Variants in HDGFL2 observed in about 807,000 individuals in gnomAD.
HDGFL2 encodes the protein hepatoma-derived growth factor-related protein 2.
Under a neutral mutation model 77.1 loss-of-function variants are expected in HDGFL2, and 36 were observed. The observed-to-expected ratio is 0.47, with a 90% CI of 0.36 to 0.62. The LOEUF (loss-of-function observed/expected upper bound fraction) is 0.62, where lower values mean the gene tolerates loss of function less well. Among genes scored for constraint, HDGFL2 ranks in the 20% least tolerant of loss-of-function variants. The pLI, the probability that HDGFL2 is intolerant of heterozygous loss-of-function variation, is 0.00. For missense variants in HDGFL2, 976 were observed against 973.4 expected (o/e 1.00, Z -0.04); for synonymous variants, 463 against 413.1 (o/e 1.12, Z -1.46).
intron 6 of HDGFL2, among the ~76,000 whole-genome samples, chr19:4,492,953 CG>C (rs1975569861): frequency 1.6e-5 from 1 of 62,796 alleles, no homozygotes; most frequent in Non-Finnish European, 3.0e-5. Context: ...GTGTGTGGTG[CG>C]TGTGAGTTGT....
intron 4 of HDGFL2, among the ~76,000 whole-genome samples, chr19:4,490,098 TTTA>T (rs1288822058): frequency 5.9e-5 from 9 of 152,302 alleles, no homozygotes; most frequent in Admixed American, 1.3e-4. Context: ...CATTTATTTA[TTTA>T]TTTTGAGACG....
Position 4,499,555 on chromosome 19 carries a change from AGTCGCGG to A in HDGFL2, c.1644_1650del (p.Arg549SerfsTer11), listed in dbSNP as rs779019689. On this transcript the variant is annotated frameshift_variant, in exon 14 of 16. Transcript: ENST00000616600. LOFTEE classifies it high-confidence loss of function. ...GCAGCAGAAGTCTATACCCGGCTCA[AGTCGCGG>A]GTCCTCGGCCCAAAGATCGAGGCGG... The A allele has an allele frequency of 6.2e-7, 1 of 1,613,882 alleles. No homozygotes were observed. Among genetic ancestry groups the A allele is most frequent in the Non-Finnish European group, 8.5e-7 (1 of 1,179,962 alleles).
intron 11 of HDGFL2, 26 bp from the exon 12 acceptor site, chr19:4,498,280 A>G (rs769716584): frequency 4.4e-6 from 7 of 1,603,424 alleles, no homozygotes; most frequent in Non-Finnish European, 6.0e-6. Flanking sequence ...GCCTGGGCCC[A>G]CACGGTGCTC....
intron 3 of HDGFL2, among the ~76,000 whole-genome samples, chr19:4,486,862 G>A (rs934915541): frequency 4.6e-5 from 7 of 152,158 alleles, no homozygotes; most frequent in African/African-American, 1.7e-4. Context: ...TCTCTGGAAC[G>A]CCGCTAGCTC....
At chr19:4,496,460 C>T in intron 10 of HDGFL2, 55 bp downstream of exon 10, 2 of 1,330,502 alleles carry the variant, frequency 1.5e-6, no homozygotes, top group Non-Finnish European at 2.1e-6. Context: ...CGCATCACCC[C>T]ACAACCCTCA....
At chr19:4,489,872 A>G (rs1349358650) in intron 4 of HDGFL2, among the ~76,000 whole-genome samples, 1 of 152,060 alleles carries the variant, frequency 6.6e-6, no homozygotes, top group Non-Finnish European at 1.5e-5. Context: ...CGTCACCCCA[A>G]AAAGAAACCT....
In HDGFL2 at chr19:4,484,666, A is replaced by ATTTTTTTTTTTTTTTT. The variant is rs71168907; in HGVS notation, c.289-4002_289-3987dup. Among the ~76,000 whole-genome samples the ATTTTTTTTTTTTTTTT allele has an allele frequency of 4.5e-4, 33 of 74,116 alleles. 2 individuals are homozygous for ATTTTTTTTTTTTTTTT. Among genetic ancestry groups the ATTTTTTTTTTTTTTTT allele is most frequent in the African/African-American group, 1.8e-3 (32 of 17,492 alleles). The allele number at this position is 74,116 out of a possible 152,430, so 48.6% of individuals were successfully genotyped here. ...AGGCACCCGCCATCACGCCTGGCTAATTTTTTTTTTTTTTTTTTTTTTTGA... is the reference window on the plus strand; with the variant it reads ...AGGCACCCGCCATCACGCCTGGCTAATTTTTTTTTTTTTTTTTTTTTTTTTTTTTTTTTTTTTTTGA... On this transcript the variant is annotated intron_variant, in intron 3 of 15. Transcript: ENST00000616600.
chr19:4,488,908 A>G (rs1251550014), intron 4 of HDGFL2, 32 bp downstream of exon 4: 1 of 1,517,002 alleles, frequency 6.6e-7, no homozygotes, highest in East Asian at 2.5e-5. Flanking sequence ...CTGGCCCTTC[A>G]TCCCCTTGCC....
Position 4,472,379 on chromosome 19 carries a change from T to G in HDGFL2, c.29T>G (p.Leu10Trp), listed in dbSNP as rs767969596. Residue 10 changes from leucine to tryptophan, a missense_variant, in exon 1 of 16, where the codon TTG becomes TGG. Around this residue, in one of 5 missense-constraint regions of HDGFL2, gnomAD observed 31 missense variants for 24.3 expected, o/e 1.27. Coordinates refer to ENST00000616600, the MANE Select transcript of HDGFL2 (RefSeq NM_001001520.3). MPHAFKPGD[L>W]VFAKMKGYPH... is the part of the protein sequence containing the mutation. Reference sequence around the variant, plus strand: ...CCACACGCCTTCAAGCCCGGGGACTTGGTGTTCGCTAAGATGAAGGGCTAC... The same window carrying G: ...CCACACGCCTTCAAGCCCGGGGACTGGGTGTTCGCTAAGATGAAGGGCTAC... The G allele has an allele frequency of 6.9e-7, 1 of 1,450,034 alleles. No homozygotes were observed. Among genetic ancestry groups the G allele is most frequent in the Non-Finnish European group, 9.2e-7 (1 of 1,091,590 alleles). The allele number at this position is 1,450,034 out of a possible 1,614,324, so 89.8% of individuals were successfully genotyped here.
At chr19:4,490,807 C>CTT (rs34565005) in intron 4 of HDGFL2, among the ~76,000 whole-genome samples, 7 of 144,966 alleles carry the variant, frequency 4.8e-5, no homozygotes, top group African/African-American at 1.8e-4. Context: ...TTTTTTTTCT[C>CTT]TTTTTTTTTT....
chr19:4,495,116 A>G (rs1057362314), intron 9 of HDGFL2, among the ~76,000 whole-genome samples: 6 of 151,706 alleles, frequency 4.0e-5, no homozygotes, highest in African/African-American at 1.5e-4. Flanking sequence ...GGCTGGGCGC[A>G]GTGGCTCACG....
rs571070962 is a variant in HDGFL2 at position 4,498,285 on chromosome 19, G to A, written c.1403-21G>A. ...CTGTGGCCCTGCCTGGGCCCACACG[G>A]TGCTCTCTCTCCTGGCCCAGAGCCC... On this transcript the variant is annotated intron_variant, in intron 11 of 15. Coordinates refer to ENST00000616600, the MANE Select transcript of HDGFL2 (RefSeq NM_001001520.3). 98 of 1,608,018 alleles carry A rather than the reference G, an allele frequency of 6.1e-5. 2 individuals are homozygous for A. The Middle Eastern group carries it at 7.0e-4, about 11-fold the overall frequency.
chr19:4,491,159 C>T (rs889262784), intron 4 of HDGFL2, among the ~76,000 whole-genome samples: 17 of 151,604 alleles, frequency 1.1e-4, no homozygotes, highest in African/African-American at 2.9e-4. Flanking sequence ...AGCACATTCA[C>T]GTGGTTGTGC....
Position 4,487,692 on chromosome 19 carries a change from C to T in HDGFL2, c.289-984C>T, listed in dbSNP as rs114727040. Reference sequence around the variant, plus strand: ...GCTCCCAGGGGCAAGGGAGATGCCACGGTCACTTCTGTGTTCTTGATGCCC... The same window carrying T: ...GCTCCCAGGGGCAAGGGAGATGCCATGGTCACTTCTGTGTTCTTGATGCCC... On this transcript the variant is annotated intron_variant, in intron 3 of 15. Coordinates refer to ENST00000616600, the MANE Select transcript of HDGFL2 (RefSeq NM_001001520.3). Among the ~76,000 whole-genome samples, 366 of 152,324 alleles carry T rather than the reference C, an allele frequency of 2.4e-3. 1 individual carries two copies. The highest frequency in any genetic ancestry group is 8.1e-3 in the African/African-American group (336 of 41,570).
chr19:4,499,939 C>T (rs1395827977), intron 14 of HDGFL2, among the ~76,000 whole-genome samples: 1 of 152,238 alleles, frequency 6.6e-6, no homozygotes, highest in Admixed American at 6.5e-5. Flanking sequence ...ACTTGGGGCT[C>T]ACGCCAGAGG....
rs774255953 is a variant in HDGFL2, at chr19:4,488,754, C to T, written c.367C>T (p.Arg123Trp). ...GSDADEDDED[R>W]GVMAVTAVTA... is the part of the protein sequence containing the mutation. ...TGACGCTGACGAGGACGATGAGGAC[C>T]GGGGGGTCATGGCCGTCACAGCGGT... The change falls in exon 4 of 16, where the codon CGG becomes TGG. Residue 123 changes from arginine to tryptophan, a missense_variant. By Grantham distance (101) the Arg-to-Trp change is moderately radical. Around this residue, in one of 5 missense-constraint regions of HDGFL2, gnomAD observed 567 missense variants for 534.7 expected, o/e 1.06. Transcript: ENST00000616600. The T allele has an allele frequency of 3.5e-5, 55 of 1,553,084 alleles. No homozygotes were observed. Among genetic ancestry groups the T allele is most frequent in the Non-Finnish European group, 4.4e-5 (51 of 1,147,998 alleles).
intron 13 of HDGFL2, 137 bp downstream of exon 13, chr19:4,499,052 A>T (rs1975784489): frequency 3.2e-6 from 2 of 630,864 alleles, no homozygotes; most frequent in African/African-American, 1.8e-5. Flanking sequence ...TGCTGGGTAG[A>T]AATGCCTGGT....
In HDGFL2 at chr19:4,494,383, G is replaced by C; in HGVS notation, c.1132G>C (p.Asp378His). ...CAGCGGGGACGAGCTCAGGGAGGAC[G>C]ATGAGCCCGTCAAGAAGCGGGGACG... ...GSSGDELRED[D>H]EPVKKRGRKG... The change falls in exon 9 of 16, where the codon GAT becomes CAT. Residue 378 changes from aspartate to histidine, a missense_variant. This residue lies in a region of HDGFL2 where 567 missense variants were observed against 534.7 expected (regional missense o/e 1.06). Coordinates refer to ENST00000616600, the MANE Select transcript of HDGFL2 (RefSeq NM_001001520.3). 1 of 1,403,118 alleles carries C rather than the reference G, an allele frequency of 7.1e-7. No individual in the cohort carries two copies. The highest frequency in any genetic ancestry group is 9.2e-7 in the Non-Finnish European group (1 of 1,083,154). The allele number at this position is 1,403,118 out of a possible 1,614,324, so 86.9% of individuals were successfully genotyped here. A position where few individuals can be genotyped will look rare whatever the true frequency, so the allele number is the denominator to read the frequency against.
intron 4 of HDGFL2, among the ~76,000 whole-genome samples, chr19:4,490,305 T>C (rs1975473823): frequency 6.6e-6 from 1 of 152,196 alleles, no homozygotes; most frequent in Non-Finnish European, 1.5e-5. Context: ...CAGGCTGGTC[T>C]CGAACTCCTG....
Sources: allele counts gnomAD v4.1 joint callset (sites outside exome capture counted in the v4.1 genomes callset), GRCh38; gene constraint gnomAD v4.1.1; regional missense constraint gnomAD v4.1.1; transcripts MANE v1.5; gene names NCBI Gene and HGNC (gene_info 2026-07-23, HGNC 2026-07-21).